The following SV2B variants were observed in gnomAD, a reference collection of about 807,000 sequenced individuals.
SV2B encodes the protein solute carrier family 22 member B2.
A neutral mutation model predicts 73.9 loss-of-function variants in SV2B; 41 were observed. The ratio of observed to expected loss-of-function variants is 0.56; its 90% CI spans 0.43 to 0.72. The LOEUF is 0.72. Among genes scored for constraint, SV2B ranks in the 30% least tolerant of loss-of-function variants. The probability of loss-of-function intolerance (pLI) is 0.00; values close to 1 mark genes in which losing one functional copy is unlikely to be tolerated. For missense variants in SV2B, 764 were observed against 857.8 expected (o/e 0.89, Z 1.37); for synonymous variants, 314 against 314.2 (o/e 1.00, Z 0.01).
Position 91,294,689 on chromosome 15 carries a change from C to G in SV2B, c.*2137C>G, listed in dbSNP as rs1034019314. The G allele has an allele frequency of 3.3e-5, 5 of 152,148 alleles. No individual in the cohort carries two copies. The highest frequency in any genetic ancestry group is 1.2e-4 in the African/African-American group (5 of 41,422). The allele number at this position is 152,148 out of a possible 1,614,324, so 9.4% of individuals were successfully genotyped here. A position where few individuals can be genotyped will look rare whatever the true frequency, so the allele number is the denominator to read the frequency against. The stretch of plus-strand genomic sequence containing the variant: ...GAGCAGCTACCACTTAAAAAACTTG[C>G]AGGACAGTTAGAGCCTGCATTTCTA... On this transcript the variant is annotated 3_prime_UTR_variant, in exon 13 of 13. Transcript: ENST00000394232. This position sits in a 1 kb window ranked among gnomAD's most constrained non-coding sequence, Gnocchi z 4.1.
intron 1 of SV2B, among the ~76,000 whole-genome samples, chr15:91,155,590 G>A (rs1035614049): frequency 3.3e-5 from 5 of 152,136 alleles, no homozygotes; most frequent in African/African-American, 1.2e-4. Context: ...CAGAGGTCTC[G>A]TGTCTCATGA....
chr15:91,292,439 T>G lies in SV2B; in HGVS notation c.1939T>G (p.Ser647Ala), dbSNP rs748616921. 45 of 1,614,078 alleles carry G rather than the reference T, an allele frequency of 2.8e-5. No individual in the cohort carries two copies. The highest frequency in any genetic ancestry group is 3.4e-5 in the Non-Finnish European group (40 of 1,180,036). ...CATCCTGGGAAACACCATCTTTGCT[T>G]CTTTTGTTGGGATAACCAAAGTGGT... Reference protein sequence around the residue: ...GAILGNTIFASFVGITKVVPI... With the variant: ...GAILGNTIFAAFVGITKVVPI... The change falls in exon 13 of 13, where the codon TCT becomes GCT. Residue 647 changes from serine (S) to alanine (A), a missense_variant. Physicochemically the swap from Ser to Ala is moderately conservative, Grantham distance 99 (BLOSUM62 1). Transcript: ENST00000394232.
chr15:91,198,455 A>G (rs150927177), intron 1 of SV2B, among the ~76,000 whole-genome samples: 44 of 136,846 alleles, frequency 3.2e-4, no homozygotes, highest in Middle Eastern at 3.7e-3. Flanking sequence ...AAGCACGTGT[A>G]TGTGTGTGTG....
At chr15:91,188,471 G>A (rs1022344552) in intron 1 of SV2B, among the ~76,000 whole-genome samples, 5 of 151,836 alleles carry the variant, frequency 3.3e-5, no homozygotes, top group East Asian at 1.9e-4. Flanking sequence ...CTGCCACCAC[G>A]CCTGGCTAAT....
chr15:91,115,264 C>T lies in SV2B; in HGVS notation c.-392+14901C>T, dbSNP rs1031343781. 2.0e-5 allele frequency among the ~76,000 whole-genome samples: 3 copies of T among 152,098 alleles called. No individual in the cohort carries two copies. Among genetic ancestry groups the T allele is most frequent in the East Asian group, 1.9e-4 (1 of 5,202 alleles). On this transcript the variant is annotated intron_variant, in intron 1 of 12. Coordinates refer to ENST00000394232, the MANE Select transcript of SV2B (RefSeq NM_001323032.3). The surrounding 1 kb of genome is among the most constrained non-coding windows in gnomAD (Gnocchi z 4.3). ...GTCCTGAGCAGGCGAAACCCACAGACGTCCACCACACACACTGAGCTGGCT... is the reference window on the plus strand; with the variant it reads ...GTCCTGAGCAGGCGAAACCCACAGATGTCCACCACACACACTGAGCTGGCT...
intron 6 of SV2B, among the ~76,000 whole-genome samples, chr15:91,266,307 C>T (rs1026308733): frequency 2.6e-5 from 4 of 152,184 alleles, no homozygotes; most frequent in African/African-American, 4.8e-5. Flanking sequence ...ATTGCCCAGT[C>T]GCATCTGTAT....
chr15:91,271,756 C>T (rs1203046787), intron 9 of SV2B, among the ~76,000 whole-genome samples: 1 of 152,130 alleles, frequency 6.6e-6, no homozygotes, highest in Admixed American at 6.5e-5. Flanking sequence ...GTTATGCTGC[C>T]ATCTGCTGGT....
chr15:91,181,673 A>T (rs1334222671), intron 1 of SV2B, among the ~76,000 whole-genome samples: 1 of 152,030 alleles, frequency 6.6e-6, no homozygotes, highest in Non-Finnish European at 1.5e-5. Context: ...TCACTCAATT[A>T]ACCAATTAGA....
chr15:91,224,667 T>C lies in SV2B; in HGVS notation c.-391-1206T>C, dbSNP rs2046317895. 6.6e-6 allele frequency among the ~76,000 whole-genome samples: 1 copy of C among 152,240 alleles called. No homozygotes were observed. Among genetic ancestry groups the C allele is most frequent in the South Asian group, 2.1e-4 (1 of 4,834 alleles). ...GTGACCTGGTCCTAATGCTGTGACC[T>C]TGATCGCGTTACTAACCCACTCGGA... On this transcript the variant is annotated intron_variant, in intron 1 of 12. Coordinates refer to ENST00000394232, the MANE Select transcript of SV2B (RefSeq NM_001323032.3). The surrounding 1 kb of genome is among the most constrained non-coding windows in gnomAD (Gnocchi z 4.9).
intron 1 of SV2B, among the ~76,000 whole-genome samples, chr15:91,221,687 ATG>A: frequency 2.7e-5 from 2 of 73,338 alleles, no homozygotes; most frequent in East Asian, 3.4e-4. Context: ...ATTACCAAGC[ATG>A]TGCGCACACA....
rs78752855 is a variant in SV2B, at chr15:91,301,763, A to G, written c.*9211A>G. ...TAAAAGATTTTGGGATATTGGCATT[A>G]TACCTACCAGCTGAGCATCCCAAGT... On this transcript the variant is annotated 3_prime_UTR_variant, in exon 13 of 13. Transcript: ENST00000394232. The surrounding 1 kb of genome is among the most constrained non-coding windows in gnomAD (Gnocchi z 4.3). Among the ~76,000 whole-genome samples the G allele has an allele frequency of 6.6e-6, 1 of 152,226 alleles. No individual in the cohort carries two copies. The highest frequency in any genetic ancestry group is 1.9e-4 in the East Asian group (1 of 5,194).
intron 1 of SV2B, among the ~76,000 whole-genome samples, chr15:91,198,041 A>G (rs1240279735): frequency 6.6e-6 from 1 of 152,214 alleles, no homozygotes; most frequent in African/African-American, 2.4e-5. Context: ...TCTCAAAACA[A>G]ACAAACAAAA....
At chr15:91,233,805 C>G (rs561088449) in intron 2 of SV2B, among the ~76,000 whole-genome samples, 1 of 152,294 alleles carries the variant, frequency 6.6e-6, no homozygotes, top group South Asian at 2.1e-4. Flanking sequence ...CCCCTCCACC[C>G]CTCTTTGCTT....
intron 1 of SV2B, among the ~76,000 whole-genome samples, chr15:91,120,148 C>T (rs549024260): frequency 6.6e-6 from 1 of 152,142 alleles, no homozygotes; most frequent in African/African-American, 2.4e-5. Context: ...CTACCTGAGA[C>T]TGGGAAATTT....
chr15:91,162,239 T>C (rs947697945), intron 1 of SV2B, among the ~76,000 whole-genome samples: 1 of 152,190 alleles, frequency 6.6e-6, no homozygotes. Context: ...ATCCCTCTTC[T>C]AGTAATCTTT....
rs8038006 is a variant in SV2B at position 91,204,559 on chromosome 15, T to C, written c.-391-21314T>C. ...TATTTCTTTTCTTCTTCTTCTTCTT[T>C]TTTTTTTTTTTTTTTGAGACAGAAT... On this transcript the variant is annotated intron_variant, in intron 1 of 12. Coordinates refer to ENST00000394232, the MANE Select transcript of SV2B (RefSeq NM_001323032.3). 7.7e-3 allele frequency among the ~76,000 whole-genome samples: 1,134 copies of C among 147,698 alleles called. 8 individuals carry two copies. The highest frequency in any genetic ancestry group is 0.014 in the South Asian group (64 of 4,688).
Position 91,292,377 on chromosome 15 carries a change from C to G in SV2B, c.1877C>G (p.Ala626Gly), listed in dbSNP as rs1262363287. ...ELYPTNQRATAFGILNGLCKF... is the reference protein window; with the variant it reads ...ELYPTNQRATGFGILNGLCKF... ...CCATTCCTCTTTTACAGAGCAACAG[C>G]CTTCGGCATTCTCAATGGATTATGC... The change falls in exon 13 of 13, where the codon GCC becomes GGC. Residue 626 changes from alanine (A) to glycine (G), a missense_variant. Physicochemically the swap from Ala to Gly is moderately conservative, Grantham distance 60. Coordinates refer to ENST00000394232, the MANE Select transcript of SV2B (RefSeq NM_001323032.3). The G allele has an allele frequency of 6.2e-7, 1 of 1,613,844 alleles. No individual in the cohort carries two copies. The highest frequency in any genetic ancestry group is 8.5e-7 in the Non-Finnish European group (1 of 1,179,876).
rs528192940 is a variant in SV2B, at chr15:91,240,129, G to C, written c.452-11690G>C. On this transcript the variant is annotated intron_variant, in intron 2 of 12. Transcript: ENST00000394232. This position sits in a 1 kb window ranked among gnomAD's most constrained non-coding sequence, Gnocchi z 4.6. ...GAAGAAGAGGGAAAAGGGCTGTTGG[G>C]AACATGACCAACAGAGTCTATTGCA... Among the ~76,000 whole-genome samples the C allele has an allele frequency of 6.4e-4, 98 of 152,312 alleles. 2 individuals carry two copies. Among genetic ancestry groups the C allele is most frequent in the African/African-American group, 2.3e-3 (97 of 41,560 alleles).
intron 1 of SV2B, among the ~76,000 whole-genome samples, chr15:91,186,351 T>A (rs1463600148): frequency 1.3e-5 from 2 of 152,218 alleles, no homozygotes; most frequent in Non-Finnish European, 2.9e-5. Flanking sequence ...AAAAATTATA[T>A]ATAAAACATA....
Sources: gnomAD v4.1 joint callset for allele counts (sites outside exome capture counted in the v4.1 genomes callset) on GRCh38, gnomAD v4.1.1 for gene constraint, Gnocchi (gnomAD v3.1) non-coding constraint, MANE v1.5 for transcripts, NCBI Gene and HGNC (gene_info 2026-07-23, HGNC 2026-07-21) for gene names.